ASCC3: variants seen among roughly 807,000 people sequenced by gnomAD.
The protein encoded by ASCC3 is ASC-1 complex subunit P200.
ASCC3 carries 158 observed loss-of-function variants against 256.3 expected under a neutral mutation model. The ratio of observed to expected loss-of-function variants is 0.62; its 90% CI spans 0.54 to 0.70. The LOEUF is 0.70. Among genes scored for constraint, ASCC3 ranks in the 30% least tolerant of loss-of-function variants. The pLI is 0.00. For synonymous variants in ASCC3, 948 were observed against 883.4 expected, an observed-to-expected ratio of 1.07 and a Z score of -1.30; for missense variants, 2,259 against 2,626.0, an observed-to-expected ratio of 0.86 and a Z score of 3.05.
At chr6:100,590,859 TAAA>T (rs1324890981) in intron 34 of ASCC3, among the ~76,000 whole-genome samples, 2 of 151,990 alleles carry the variant, frequency 1.3e-5, no homozygotes, top group African/African-American at 4.8e-5. Flanking sequence ...CAGTAAATTA[TAAA>T]AAAATTATTT....
chr6:100,509,858 A>C (rs970354963), intron 41 of ASCC3, 74 bp downstream of exon 41: 189 of 1,474,226 alleles, frequency 1.3e-4, no homozygotes, highest in Middle Eastern at 6.9e-4. Context: ...ACTGCACTCC[A>C]GCCTGGGCGA....
At chr6:100,813,348 T>C (rs1770576532) in intron 4 of ASCC3, among the ~76,000 whole-genome samples, 2 of 151,774 alleles carry the variant, frequency 1.3e-5, no homozygotes, top group Non-Finnish European at 2.9e-5. Context: ...ATCCACCACA[T>C]GGGAGGCTGA....
At chr6:100,754,043 T>C in intron 10 of ASCC3, among the ~76,000 whole-genome samples, 1 of 152,202 alleles carries the variant, frequency 6.6e-6, no homozygotes, top group East Asian at 1.9e-4. Context: ...TATTCAATAA[T>C]TGTGCTGAAA....
At chr6:100,643,237 C>T (rs899914886) in intron 23 of ASCC3, among the ~76,000 whole-genome samples, 4 of 152,122 alleles carry the variant, frequency 2.6e-5, no homozygotes, top group Non-Finnish European at 5.9e-5. Context: ...AGACTCTTAC[C>T]TGAAGCTTGC....
intron 14 of ASCC3, among the ~76,000 whole-genome samples, chr6:100,669,428 G>A (rs1182948429): frequency 6.6e-6 from 1 of 151,156 alleles, no homozygotes; most frequent in Non-Finnish European, 1.5e-5. Flanking sequence ...TCCATATAAA[G>A]TTTTATAATA....
At chr6:100,699,960 G>T (rs538625034) in intron 13 of ASCC3, among the ~76,000 whole-genome samples, 136 of 152,290 alleles carry the variant, frequency 8.9e-4, no homozygotes, top group Non-Finnish European at 1.3e-3. Context: ...GAGCATAAAA[G>T]TTGGGAAAAT....
chr6:100,847,116 A>C (rs1582954765), intron 4 of ASCC3, among the ~76,000 whole-genome samples: 1 of 152,270 alleles, frequency 6.6e-6, no homozygotes, highest in South Asian at 2.1e-4. Flanking sequence ...AACTTACTAT[A>C]GATATTCAGA....
At chr6:100,611,207 C>T (rs1773377386) in intron 30 of ASCC3, among the ~76,000 whole-genome samples, 1 of 152,088 alleles carries the variant, frequency 6.6e-6, no homozygotes, top group Admixed American at 6.6e-5. Context: ...TCTGAACTGG[C>T]AAAGACTTAA....
intron 4 of ASCC3, among the ~76,000 whole-genome samples, chr6:100,839,221 T>G (rs1215582965): frequency 6.6e-6 from 1 of 152,110 alleles, no homozygotes; most frequent in Admixed American, 6.6e-5. Context: ...AAGGAGAGAC[T>G]TAAGAAAGCA....
intron 3 of ASCC3, among the ~76,000 whole-genome samples, chr6:100,860,084 T>G (rs1441870288): frequency 6.6e-6 from 1 of 152,026 alleles, no homozygotes; most frequent in Non-Finnish European, 1.5e-5. Flanking sequence ...CATGAAATAA[T>G]TTAAATTCTT....
At chr6:100,868,826 G>A (rs927761459) in intron 1 of ASCC3, among the ~76,000 whole-genome samples, 1 of 151,914 alleles carries the variant, frequency 6.6e-6, no homozygotes, top group Non-Finnish European at 1.5e-5. Flanking sequence ...CTGATGAGGG[G>A]GAAGAACATA....
chr6:100,667,597 A>C (rs1162438299), intron 14 of ASCC3, among the ~76,000 whole-genome samples: 1 of 152,120 alleles, frequency 6.6e-6, no homozygotes, highest in Non-Finnish European at 1.5e-5. Context: ...GTCAAGGTTA[A>C]AGTTGGCTAG....
chr6:100,611,055 A>G (rs971711513), intron 30 of ASCC3, among the ~76,000 whole-genome samples: 3 of 152,200 alleles, frequency 2.0e-5, no homozygotes, highest in Non-Finnish European at 4.4e-5. Flanking sequence ...CATTTGCCAT[A>G]GGAAAGCTAA....
At chr6:100,721,797 T>C (rs1385403840) in intron 11 of ASCC3, among the ~76,000 whole-genome samples, 1 of 150,734 alleles carries the variant, frequency 6.6e-6, no homozygotes, top group Non-Finnish European at 1.5e-5. Flanking sequence ...AATTTTTTGT[T>C]GTTGTTGTTG....
At chr6:100,835,162 C>T (rs1309907462) in intron 4 of ASCC3, among the ~76,000 whole-genome samples, 1 of 151,314 alleles carries the variant, frequency 6.6e-6, no homozygotes, top group African/African-American at 2.4e-5. Flanking sequence ...ACAGAACATG[C>T]ATTTCAAAAA....
At chr6:100,720,420 CATAG>C (rs989822157) in intron 11 of ASCC3, among the ~76,000 whole-genome samples, 4 of 151,750 alleles carry the variant, frequency 2.6e-5, no homozygotes, top group Admixed American at 6.6e-5. Context: ...GTAAATTTTC[CATAG>C]ATGGATGGGT....
At chr6:100,608,061 C>CATATATATACATATATATGTATATATCT (rs1562160650) in intron 30 of ASCC3, among the ~76,000 whole-genome samples, 74 of 11,382 alleles carry the variant, frequency 6.5e-3, no homozygotes, top group African/African-American at 0.015. Flanking sequence ...CATATATACA[C>CATATATATACATATATATGTATATATCT]ATATATATAC....
intron 37 of ASCC3, among the ~76,000 whole-genome samples, chr6:100,522,869 G>GAGA (rs1774378643): frequency 6.6e-6 from 1 of 150,714 alleles, no homozygotes. Context: ...TCCAGTTCTG[G>GAGA]GGAACCTGAC....
chr6:100,748,387 C>T (rs546818254), intron 10 of ASCC3, among the ~76,000 whole-genome samples: 13 of 151,900 alleles, frequency 8.6e-5, no homozygotes, highest in African/African-American at 2.7e-4. Flanking sequence ...ATGTACCAAC[C>T]GTTATCCTCA....
Sources: allele counts gnomAD v4.1 joint callset (sites outside exome capture counted in the v4.1 genomes callset), GRCh38; gene constraint gnomAD v4.1.1; transcripts MANE v1.5; gene names NCBI Gene and HGNC (gene_info 2026-07-23, HGNC 2026-07-21).